The following NFKB1 variants were observed in gnomAD, a reference collection of about 807,000 sequenced individuals.
NFKB1 encodes the protein nuclear factor kappa B subunit 1.
In NFKB1, 9 loss-of-function variants were observed where a neutral mutation model predicts 105.1. The observed-to-expected ratio is 0.09, with a 90% confidence interval of 0.05 to 0.15. The LOEUF is 0.15. Among genes scored for constraint, NFKB1 ranks in the 10% least tolerant of loss-of-function variants. The pLI, the probability that NFKB1 is intolerant of heterozygous loss-of-function variation, is 1.00. For synonymous variants in NFKB1, 440 were observed against 442.2 expected, an observed-to-expected ratio of 1.00 and a Z score of 0.06; for missense variants, 830 against 1,203.7, an observed-to-expected ratio of 0.69 and a Z score of 4.59.
At chr4:102,567,230 T>C (rs1209708632) in intron 6 of NFKB1, 95 bp downstream of exon 6, 7 of 1,325,154 alleles carry the variant, frequency 5.3e-6, no homozygotes, top group Non-Finnish European at 7.4e-6. Context: ...TTAGGGACCT[T>C]TCTGAGACCC....
intron 3 of NFKB1, among the ~76,000 whole-genome samples, chr4:102,530,706 G>A (rs1741232028): frequency 6.6e-6 from 1 of 152,050 alleles, no homozygotes; most frequent in African/African-American, 2.4e-5. Context: ...CTTCATTGGG[G>A]GACTTTATCC....
intron 2 of NFKB1, 48 bp from the exon 3 acceptor site, chr4:102,529,788 A>G: frequency 7.2e-7 from 1 of 1,396,656 alleles, no homozygotes; most frequent in South Asian, 1.3e-5. Context: ...TTTTTCATAT[A>G]ATATAGGAAA....
Position 102,537,844 on chromosome 4 carries a change from G to A in NFKB1, c.160-14G>A, listed in dbSNP as rs773783834. 6.8e-5 allele frequency: 105 copies of A among 1,541,574 alleles called. 1 individual carries two copies. The South Asian group carries it at 9.4e-4, about 14-fold the overall frequency. On this transcript the variant is annotated splice_polypyrimidine_tract_variant and intron_variant, in intron 4 of 23. Coordinates refer to ENST00000226574, the MANE Select transcript of NFKB1 (RefSeq NM_003998.4). ...ATTTCTCAAACTTAATTGGCTTAAC[G>A]TTCACCTTTGCAGAGAGGATTTCGT...
rs1241312324 is a variant in NFKB1 at position 102,567,083 on chromosome 4, T to C, written c.355T>C (p.Cys119Arg). 1 of 1,613,938 alleles carries C rather than the reference T, an allele frequency of 6.2e-7. No homozygotes were observed. Among genetic ancestry groups the C allele is most frequent in the Non-Finnish European group, 8.5e-7 (1 of 1,179,862 alleles). ...LHAHSLVGKH[C>R]EDGICTVTAG... ...TGCCCACAGCCTGGTGGGAAAACAC[T>C]GTGAGGATGGGATCTGCACTGTAAC... is the stretch of plus-strand genomic sequence containing the variant. The change falls in exon 6 of 24, where the codon TGT (cysteine) becomes CGT (arginine). Residue 119 changes from cysteine (C) to arginine (R), a missense_variant. Cys to Arg is a radical substitution (Grantham distance 180). This residue lies in a region of NFKB1 where 64 missense variants were observed against 79.9 expected (regional missense o/e 0.80). Transcript: ENST00000226574.
At chr4:102,529,117 A>C (rs1741111739) in intron 2 of NFKB1, among the ~76,000 whole-genome samples, 1 of 152,268 alleles carries the variant, frequency 6.6e-6, no homozygotes, top group Non-Finnish European at 1.5e-5. Context: ...CCTTAATGAC[A>C]TACGTAAATT....
rs370797001 is a variant in NFKB1, at chr4:102,545,290, G to A, written c.258+7334G>A. ...GCCTCCAGACTACCTTCACCTCCCTGGGGTCTCATGGACATGGGCTGGAAA... is the reference window on the plus strand; with the variant it reads ...GCCTCCAGACTACCTTCACCTCCCTAGGGTCTCATGGACATGGGCTGGAAA... On this transcript the variant is annotated intron_variant, in intron 5 of 23. Transcript: ENST00000226574. 3.5e-3 allele frequency among the ~76,000 whole-genome samples: 538 copies of A among 152,170 alleles called. 3 individuals are homozygous for A. Among genetic ancestry groups the A allele is most frequent in the Non-Finnish European group, 5.6e-3 (381 of 67,990 alleles).
At position 102,578,908 on chromosome 4, in the gene NFKB1, C is replaced by G; in HGVS notation, c.599C>G (p.Ala200Gly). Residue 200 changes from alanine (A) to glycine (G), a missense_variant, in exon 8 of 24, where the codon GCA (alanine) becomes GGA (glycine). This residue lies in a region of NFKB1 where 80 missense variants were observed against 122.6 expected (regional missense o/e 0.65). Coordinates refer to ENST00000226574, the MANE Select transcript of NFKB1 (RefSeq NM_003998.4). ...GDREKELIRQ[A>G]ALQQTKEMDL... ...CGGGAAAAAGAGCTAATCCGCCAAGCAGCTCTGCAGCAGACCAAGGAGATG... is the reference window on the plus strand; with the variant it reads ...CGGGAAAAAGAGCTAATCCGCCAAGGAGCTCTGCAGCAGACCAAGGAGATG... The G allele has an allele frequency of 6.2e-7, 1 of 1,614,132 alleles. No homozygotes were observed. The highest frequency in any genetic ancestry group is 1.1e-5 in the South Asian group (1 of 91,082).
intron 11 of NFKB1, 33 bp downstream of exon 11, chr4:102,584,853 T>C (rs775877951): frequency 6.5e-7 from 1 of 1,532,464 alleles, no homozygotes; most frequent in Non-Finnish European, 8.8e-7. Context: ...TATGCTCATA[T>C]TTTATTTTAT....
intron 5 of NFKB1, among the ~76,000 whole-genome samples, chr4:102,553,852 A>C (rs935868524): frequency 6.6e-6 from 1 of 152,182 alleles, no homozygotes; most frequent in African/African-American, 2.4e-5. Context: ...TTGTCTCTAA[A>C]TTTTGATTTT....
rs374276259 is a variant in NFKB1, at chr4:102,561,413, T to G, written c.259-5574T>G. 1.6e-3 allele frequency among the ~76,000 whole-genome samples: 247 copies of G among 152,152 alleles called. 13 individuals are homozygous for G. In the South Asian group the frequency reaches 0.05, roughly 31 times the overall value. ...ACAGATACACCTCTACCACTTCTTA[T>G]AGCCATTCCTGAGACCTCTCTTCTC... On this transcript the variant is annotated intron_variant, in intron 5 of 23. Coordinates refer to ENST00000226574, the MANE Select transcript of NFKB1 (RefSeq NM_003998.4).
chr4:102,557,973 G>A (rs541512900), intron 5 of NFKB1, among the ~76,000 whole-genome samples: 1 of 150,970 alleles, frequency 6.6e-6, no homozygotes, highest in Non-Finnish European at 1.5e-5. Flanking sequence ...CTGCTCTGGT[G>A]TGTAATAATC....
At position 102,606,786 on chromosome 4, in the gene NFKB1, C is replaced by T. The variant is rs867113719; in HGVS notation, c.1954+89C>T. ...TGATAAACGTGTGTTATTTGATTTG[C>T]ACCCAAAAGTGCTTTCCTTAGTCAC... On this transcript the variant is annotated intron_variant, in intron 17 of 23. Transcript: ENST00000226574. 9 of 1,390,188 alleles carry T rather than the reference C, an allele frequency of 6.5e-6. No homozygotes were observed. In the Middle Eastern group the frequency reaches 1.6e-3, roughly 247 times the overall value. 86.1% of individuals were successfully genotyped at this position (1,390,188 alleles called of 1,614,324 possible).
intron 1 of NFKB1, among the ~76,000 whole-genome samples, chr4:102,513,482 A>G (rs553800683): frequency 6.6e-6 from 1 of 152,356 alleles, no homozygotes; most frequent in Admixed American, 6.5e-5. Context: ...TCAGTCAGCT[A>G]TGATTAAGAA....
chr4:102,529,698 T>C (rs1741154435), intron 2 of NFKB1, 138 bp from the exon 3 acceptor site: 1 of 660,068 alleles, frequency 1.5e-6, no homozygotes, highest in Non-Finnish European at 2.7e-6. Context: ...TTTAAAACCC[T>C]GATTTAAAAT....
chr4:102,514,889 A>G (rs1740025327), intron 1 of NFKB1, among the ~76,000 whole-genome samples: 1 of 151,946 alleles, frequency 6.6e-6, no homozygotes, highest in Non-Finnish European at 1.5e-5. Context: ...ACTTTATCTG[A>G]TATTTTAGAA....
chr4:102,515,925 A>G (rs1740149574), intron 1 of NFKB1, among the ~76,000 whole-genome samples: 1 of 152,164 alleles, frequency 6.6e-6, no homozygotes, highest in African/African-American at 2.4e-5. Flanking sequence ...GTCTTTTAGC[A>G]GGTCTGCTGG....
chr4:102,544,709 C>T (rs72931415), intron 5 of NFKB1, among the ~76,000 whole-genome samples: 7 of 152,068 alleles, frequency 4.6e-5, no homozygotes, highest in Admixed American at 6.5e-5. Flanking sequence ...CCTCTAAATC[C>T]GCTGTATATA....
intron 5 of NFKB1, among the ~76,000 whole-genome samples, chr4:102,551,367 T>TGTGTGCGCGC (rs370790173): frequency 2.5e-4 from 38 of 150,204 alleles, no homozygotes; most frequent in African/African-American, 8.1e-4. Context: ...TGTGTGTGTG[T>TGTGTGCGCGC]GCGCGCGCGC....
At chr4:102,569,614 A>C (rs1197195575) in intron 6 of NFKB1, among the ~76,000 whole-genome samples, 1 of 152,166 alleles carries the variant, frequency 6.6e-6, no homozygotes, top group East Asian at 1.9e-4. Flanking sequence ...TTCACAAGCA[A>C]GACACTAATC....
Sources: allele counts gnomAD v4.1 joint callset (sites outside exome capture counted in the v4.1 genomes callset), GRCh38; gene constraint gnomAD v4.1.1; regional missense constraint gnomAD v4.1.1; transcripts MANE v1.5; gene names NCBI Gene and HGNC (gene_info 2026-07-23, HGNC 2026-07-21).